Variants in DENND1A observed in about 807,000 individuals in gnomAD.
DENND1A encodes DENN domain-containing protein 1A.
DENND1A carries 51 observed loss-of-function variants against 113.7 expected under a neutral mutation model. The observed-to-expected ratio is 0.45, with a 90% CI of 0.36 to 0.57. DENND1A has a LOEUF of 0.57. Among genes scored for constraint, DENND1A ranks in the 20% least tolerant of loss-of-function variants. DENND1A has a pLI of 0.00. For synonymous variants in DENND1A, 565 were observed against 570.8 expected, an observed-to-expected ratio of 0.99 and a Z score of 0.14; for missense variants, 1,258 against 1,395.9, an observed-to-expected ratio of 0.90 and a Z score of 1.57.
At chr9:123,862,079 G>A (rs563735792) in intron 2 of DENND1A, among the ~76,000 whole-genome samples, 24 of 152,068 alleles carry the variant, frequency 1.6e-4, no homozygotes, top group Non-Finnish European at 2.9e-4. Flanking sequence ...AAGCTCTAAC[G>A]TACTAATTCC....
At chr9:123,580,142 C>G (rs2058820971) in intron 12 of DENND1A, among the ~76,000 whole-genome samples, 1 of 152,200 alleles carries the variant, frequency 6.6e-6, no homozygotes, top group Non-Finnish European at 1.5e-5. Context: ...ATTACCATAG[C>G]TGTTTGCCAT....
At chr9:123,903,093 G>T (rs1372846697) in intron 1 of DENND1A, among the ~76,000 whole-genome samples, 1 of 151,920 alleles carries the variant, frequency 6.6e-6, no homozygotes, top group East Asian at 1.9e-4. Flanking sequence ...AGCACTTTGG[G>T]AGGCCGAGGC....
At chr9:123,497,639 G>C (rs898635906) in intron 13 of DENND1A, among the ~76,000 whole-genome samples, 1 of 152,026 alleles carries the variant, frequency 6.6e-6, no homozygotes, top group African/African-American at 2.4e-5. Context: ...TAAGACTGTT[G>C]ATATAAACTG....
chr9:123,512,927 G>A (rs1324438233), intron 13 of DENND1A, among the ~76,000 whole-genome samples: 6 of 152,210 alleles, frequency 3.9e-5, no homozygotes, highest in Non-Finnish European at 5.9e-5. Flanking sequence ...GTCTGAAAGC[G>A]TGTCTGCCTC....
chr9:123,396,239 T>A (rs2043132777), intron 21 of DENND1A, among the ~76,000 whole-genome samples: 1 of 152,168 alleles, frequency 6.6e-6, no homozygotes, highest in Admixed American at 6.5e-5. Flanking sequence ...GGCATCATGT[T>A]AAGAAAGGAG....
chr9:123,583,275 A>G lies in DENND1A; in HGVS notation c.766-5T>C, dbSNP rs188959221. Reference sequence around the variant, plus strand: ...CAGGGCCATGTTTCTGACTTTCTGCAAGGAGAAAAAAATCCACAAGAGAAG... The same window carrying G: ...CAGGGCCATGTTTCTGACTTTCTGCGAGGAGAAAAAAATCCACAAGAGAAG... On this transcript the variant is annotated splice_region_variant and splice_polypyrimidine_tract_variant and intron_variant, in intron 11 of 23. Coordinates refer to ENST00000394215, the MANE Select transcript of DENND1A (RefSeq NM_001352964.2). 1 of 1,608,784 alleles carries G rather than the reference A, an allele frequency of 6.2e-7. No homozygotes were observed. The highest frequency in any genetic ancestry group is 2.2e-5 in the East Asian group (1 of 44,688).
chr9:123,766,200 A>G (rs2131573551), intron 4 of DENND1A, among the ~76,000 whole-genome samples: 1 of 152,190 alleles, frequency 6.6e-6, no homozygotes, highest in East Asian at 1.9e-4. Flanking sequence ...CCACTTGCCC[A>G]CTTCTTGCTG....
chr9:123,750,284 TTA>T (rs2069899761), intron 5 of DENND1A, among the ~76,000 whole-genome samples: 1 of 152,198 alleles, frequency 6.6e-6, no homozygotes, highest in Non-Finnish European at 1.5e-5. Context: ...CCCCAGAGGA[TTA>T]TATATGTTTC....
intron 8 of DENND1A, among the ~76,000 whole-genome samples, chr9:123,666,564 T>A (rs925667862): frequency 6.6e-6 from 1 of 152,172 alleles, no homozygotes; most frequent in South Asian, 2.1e-4. Context: ...ATTCTTTATA[T>A]GGAAACATTT....
chr9:123,401,859 T>TG (rs747798300), intron 21 of DENND1A: 38 of 1,613,942 alleles, frequency 2.4e-5, no homozygotes, highest in Non-Finnish European at 3.2e-5. Context: ...GGCCGCAAAA[T>TG]GGGTAATGCT....
chr9:123,428,299 A>G (rs1250585975), intron 19 of DENND1A, among the ~76,000 whole-genome samples: 2 of 152,192 alleles, frequency 1.3e-5, no homozygotes, highest in Non-Finnish European at 2.9e-5. Flanking sequence ...AAAGACAAAA[A>G]CCACATGATT....
At chr9:123,809,557 G>C (rs1836187187) in intron 2 of DENND1A, among the ~76,000 whole-genome samples, 1 of 152,104 alleles carries the variant, frequency 6.6e-6, no homozygotes, top group African/African-American at 2.4e-5. Flanking sequence ...ACTTCTTTCT[G>C]GTTTTCTGTG....
chr9:123,785,132 G>A (rs1019283534), intron 3 of DENND1A, among the ~76,000 whole-genome samples: 108 of 152,106 alleles, frequency 7.1e-4, no homozygotes, highest in East Asian at 1.4e-3. Flanking sequence ...TTGAGGCCAG[G>A]AGTTGAAGGT....
intron 11 of DENND1A, among the ~76,000 whole-genome samples, chr9:123,600,975 C>T (rs2059913981): frequency 6.6e-6 from 1 of 152,192 alleles, no homozygotes; most frequent in Non-Finnish European, 1.5e-5. Flanking sequence ...CTCAATCTGG[C>T]AGGAATTTGA....
chr9:123,389,952 G>A (rs1040119327), intron 21 of DENND1A, among the ~76,000 whole-genome samples: 2 of 152,186 alleles, frequency 1.3e-5, no homozygotes, highest in African/African-American at 2.4e-5. Flanking sequence ...GCCCTCTCCT[G>A]GCCTCCCCTG....
chr9:123,650,468 A>C (rs1171838326), intron 9 of DENND1A, among the ~76,000 whole-genome samples: 1 of 152,088 alleles, frequency 6.6e-6, no homozygotes, highest in East Asian at 1.9e-4. Context: ...ATATTTTTCT[A>C]CTCTCTCTAA....
intron 8 of DENND1A, among the ~76,000 whole-genome samples, chr9:123,657,671 G>A (rs7871806): frequency 0.053 from 8,008 of 152,062 alleles, 677 homozygotes; most frequent in African/African-American, 0.18. Context: ...CAAGGCAAGA[G>A]GCTTGGTTTT....
intron 1 of DENND1A, among the ~76,000 whole-genome samples, chr9:123,896,089 G>A (rs2133827716): frequency 6.6e-6 from 1 of 152,162 alleles, no homozygotes; most frequent in Non-Finnish European, 1.5e-5. Context: ...GCTGAGCCCA[G>A]GAATATGAGA....
At chr9:123,745,023 G>A (rs1026079896) in intron 5 of DENND1A, among the ~76,000 whole-genome samples, 4 of 152,036 alleles carry the variant, frequency 2.6e-5, no homozygotes, top group Non-Finnish European at 4.4e-5. Context: ...TGATCGACCC[G>A]CCTCGGCCTC....
Sources: allele counts gnomAD v4.1 joint callset (sites outside exome capture counted in the v4.1 genomes callset), GRCh38; gene constraint gnomAD v4.1.1; transcripts MANE v1.5; gene names NCBI Gene and HGNC (gene_info 2026-07-23, HGNC 2026-07-21).